Variants in PLPP4 observed in about 807,000 individuals in gnomAD.
PLPP4 encodes the protein phospholipid phosphatase 4, also known as diacylglycerol pyrophosphate like 2.
Under a neutral mutation model 32.2 loss-of-function variants are expected in PLPP4, and 20 were observed. The observed-to-expected ratio is 0.62, with a 90% CI of 0.44 to 0.90. The LOEUF (loss-of-function observed/expected upper bound fraction) is 0.90. Among genes scored for constraint, PLPP4 ranks in the 40% least tolerant of loss-of-function variants. PLPP4 has a pLI of 0.00. For missense variants in PLPP4, 257 were observed against 353.1 expected (o/e 0.73, Z 2.18); for synonymous variants, 127 against 133.0 (o/e 0.95, Z 0.31).
intron 6 of PLPP4, among the ~76,000 whole-genome samples, chr10:120,584,316 T>C (rs1849654676): frequency 6.6e-6 from 1 of 152,202 alleles, no homozygotes; most frequent in Non-Finnish European, 1.5e-5. Context: ...ACACGTTTCC[T>C]TCATGGTGCT....
chr10:120,478,658 C>A (rs1844044560), intron 1 of PLPP4, among the ~76,000 whole-genome samples: 1 of 152,222 alleles, frequency 6.6e-6, no homozygotes, highest in South Asian at 2.1e-4. Context: ...AGAGGTATGT[C>A]TCATCTGGAA....
intron 1 of PLPP4, among the ~76,000 whole-genome samples, chr10:120,464,220 A>G (rs1405599751): frequency 1.3e-5 from 2 of 152,204 alleles, no homozygotes; most frequent in African/African-American, 4.8e-5. Flanking sequence ...CATGAATGTA[A>G]GAATATGTTA....
At chr10:120,500,823 C>T (rs1845211870) in intron 1 of PLPP4, among the ~76,000 whole-genome samples, 1 of 152,154 alleles carries the variant, frequency 6.6e-6, no homozygotes, top group Admixed American at 6.5e-5. Flanking sequence ...TTCTTACAAA[C>T]AAGATCATTG....
chr10:120,529,078 CAT>C (rs1318456088), intron 5 of PLPP4, among the ~76,000 whole-genome samples: 1 of 151,984 alleles, frequency 6.6e-6, no homozygotes, highest in East Asian at 1.9e-4. Flanking sequence ...CCTCAGGGGG[CAT>C]ATGAGAATGC....
Position 120,493,447 on chromosome 10 carries a change from G to C in PLPP4, c.57-10371G>C, listed in dbSNP as rs1844809221. On this transcript the variant is annotated intron_variant, in intron 1 of 6. Transcript: ENST00000398250. ...TCCAGTGTCAGGGGCCACAGGTAAA[G>C]AATGCAAGTTAGGGTCATTTTTCTA... Among the ~76,000 whole-genome samples, 3 of 152,178 alleles carry C rather than the reference G, an allele frequency of 2.0e-5. No individual in the cohort carries two copies. The South Asian group carries it at 6.2e-4, about 32-fold the overall frequency.
In PLPP4 at chr10:120,457,954, T is replaced by C. The variant is rs1190669819; in HGVS notation, c.56+593T>C. On this transcript the variant is annotated intron_variant, in intron 1 of 6. Transcript: ENST00000398250. ...GGGATACACACACCCTGGAGCTCTG[T>C]GCCCGGTCGATGTCCGCTTTGGGGG... is the stretch of plus-strand genomic sequence containing the variant. Among the ~76,000 whole-genome samples, 14 of 152,228 alleles carry C rather than the reference T, an allele frequency of 9.2e-5. 1 individual carries two copies. Among genetic ancestry groups the C allele is most frequent in the Non-Finnish European group, 1.5e-5 (1 of 68,034 alleles).
chr10:120,580,939 T>C, intron 6 of PLPP4: 1 of 1,289,246 alleles, frequency 7.8e-7, no homozygotes. Flanking sequence ...ACATTTACCA[T>C]CGGCTGCCAA....
At chr10:120,466,153 C>A (rs2133783468) in intron 1 of PLPP4, among the ~76,000 whole-genome samples, 1 of 152,288 alleles carries the variant, frequency 6.6e-6, no homozygotes, top group South Asian at 2.1e-4. Flanking sequence ...TAATCTCCAT[C>A]TGCTGAGCAG....
Position 120,530,280 on chromosome 10 carries a change from G to A in PLPP4, c.445+9185G>A, listed in dbSNP as rs1846641310. Among the ~76,000 whole-genome samples the A allele has an allele frequency of 2.0e-5, 3 of 151,982 alleles. No individual in the cohort carries two copies. In the South Asian group the frequency reaches 6.2e-4, roughly 32 times the overall value. On this transcript the variant is annotated intron_variant, in intron 5 of 6. Coordinates refer to ENST00000398250, the MANE Select transcript of PLPP4 (RefSeq NM_001030059.3). ...ACACCGAAATCTCTCTTATGTCCAT[G>A]TCCAGTCAATCTTCATCCCCATGAG...
intron 1 of PLPP4, among the ~76,000 whole-genome samples, chr10:120,494,991 T>C (rs992345235): frequency 7.9e-5 from 12 of 152,126 alleles, no homozygotes; most frequent in Non-Finnish European, 1.5e-4. Context: ...GGGGAAAGCA[T>C]GTATGTGTGT....
rs574398893 is a variant in PLPP4 at position 120,589,654 on chromosome 10, G to A, written c.*152G>A. On this transcript the variant is annotated 3_prime_UTR_variant, in exon 7 of 7. Coordinates refer to ENST00000398250, the MANE Select transcript of PLPP4 (RefSeq NM_001030059.3). ...CTTCTGTTTCACTGATGGTGTTCCT[G>A]CTACTTTAAATGTCTACTTCCAACA... The A allele has an allele frequency of 1.2e-4, 74 of 631,106 alleles. No individual in the cohort carries two copies. In the Admixed American group the frequency reaches 1.8e-3, roughly 15 times the overall value. The allele number at this position is 631,106 out of a possible 1,614,324, so 39.1% of individuals were successfully genotyped here. A position where few individuals can be genotyped will look rare whatever the true frequency, so the allele number is the denominator to read the frequency against.
intron 1 of PLPP4, among the ~76,000 whole-genome samples, chr10:120,461,388 T>C (rs772264789): frequency 6.6e-6 from 1 of 152,240 alleles, no homozygotes; most frequent in African/African-American, 2.4e-5. Context: ...TCTCATGTGC[T>C]GGACGGGGGG....
intron 1 of PLPP4, among the ~76,000 whole-genome samples, chr10:120,490,645 C>A (rs971048684): frequency 6.6e-6 from 1 of 152,214 alleles, no homozygotes; most frequent in Admixed American, 6.5e-5. Context: ...CATTCTAGAA[C>A]ACAGCCTTGT....
intron 6 of PLPP4, among the ~76,000 whole-genome samples, chr10:120,584,852 T>C (rs1258024900): frequency 2.6e-5 from 4 of 152,226 alleles, no homozygotes; most frequent in Admixed American, 2.6e-4. Flanking sequence ...TAGACTCCCA[T>C]AGCACCTGTG....
At chr10:120,462,459 G>A (rs983311214) in intron 1 of PLPP4, among the ~76,000 whole-genome samples, 4 of 152,226 alleles carry the variant, frequency 2.6e-5, no homozygotes, top group Non-Finnish European at 2.9e-5. Flanking sequence ...CTTCGTGGCC[G>A]CAGCCCTGCT....
At chr10:120,571,200 C>T (rs955357293) in intron 5 of PLPP4, among the ~76,000 whole-genome samples, 2 of 144,038 alleles carry the variant, frequency 1.4e-5, no homozygotes, top group Middle Eastern at 3.6e-3. Flanking sequence ...CTCTGAATAT[C>T]CTCTCATCCC....
At chr10:120,571,093 C>CATGT (rs1195080968) in intron 5 of PLPP4, among the ~76,000 whole-genome samples, 11 of 144,576 alleles carry the variant, frequency 7.6e-5, no homozygotes, top group South Asian at 2.3e-4. Context: ...AGTAAAGGGG[C>CATGT]GTGTGTGTGT....
intron 6 of PLPP4, among the ~76,000 whole-genome samples, chr10:120,582,775 C>CTCCT (rs1849574743): frequency 1.1e-5 from 1 of 89,970 alleles, no homozygotes; most frequent in Admixed American, 1.2e-4. Context: ...CCCTCCCTTC[C>CTCCT]TCCCTCCCTC....
intron 5 of PLPP4, among the ~76,000 whole-genome samples, chr10:120,567,934 G>A (rs1343194862): frequency 6.6e-6 from 1 of 152,198 alleles, no homozygotes; most frequent in Non-Finnish European, 1.5e-5. Context: ...TGTGGTGTGT[G>A]AGATGAGCAT....
Sources: allele counts gnomAD v4.1 joint callset (sites outside exome capture counted in the v4.1 genomes callset), GRCh38; gene constraint gnomAD v4.1.1; transcripts MANE v1.5; gene names NCBI Gene and HGNC (gene_info 2026-07-23, HGNC 2026-07-21).